The following TMTC2 variants were observed in gnomAD, a reference collection of about 807,000 sequenced individuals.
TMTC2 encodes the protein protein O-mannosyl-transferase TMTC2.
TMTC2 carries 43 observed loss-of-function variants against 82.4 expected under a neutral mutation model. The observed-to-expected ratio is 0.52, with a 90% confidence interval of 0.41 to 0.67. The LOEUF is 0.67. Ranked by LOEUF, TMTC2 falls within the 30% of genes least tolerant of loss-of-function variation. The probability of loss-of-function intolerance (pLI) is 0.00; values close to 1 mark genes in which losing one functional copy is unlikely to be tolerated. For synonymous variants in TMTC2, 408 were observed against 381.9 expected (o/e 1.07, Z -0.80); for missense variants, 919 against 1,012.4 (o/e 0.91, Z 1.25).
At chr12:82,708,478 G>C (rs144334485) in intron 1 of TMTC2, among the ~76,000 whole-genome samples, 1 of 152,204 alleles carries the variant, frequency 6.6e-6, no homozygotes, top group African/African-American at 2.4e-5. Context: ...CTAGCAGTAA[G>C]TGACTAGATG....
At chr12:83,091,491 A>G (rs1883846728) in intron 11 of TMTC2, among the ~76,000 whole-genome samples, 1 of 152,188 alleles carries the variant, frequency 6.6e-6, no homozygotes, top group Non-Finnish European at 1.5e-5. Context: ...ATTATTTTCC[A>G]AAAAGCATAG....
In TMTC2 at chr12:82,804,982, C is replaced by G. The variant is rs115901684; in HGVS notation, c.84-52028C>G. On this transcript the variant is annotated intron_variant, in intron 1 of 11. Coordinates refer to ENST00000321196, the MANE Select transcript of TMTC2 (RefSeq NM_152588.3). ...TTAGTTTTTATAGAAAGGGTACACT[C>G]TCTAGCAGTTTTGCCATGAGAGTAC... Among the ~76,000 whole-genome samples the G allele has an allele frequency of 8.6e-3, 1,303 of 152,250 alleles. 21 individuals are homozygous for G. The highest frequency in any genetic ancestry group is 0.03 in the African/African-American group (1,254 of 41,552).
At chr12:82,917,610 T>G (rs911521710) in intron 3 of TMTC2, among the ~76,000 whole-genome samples, 6 of 151,876 alleles carry the variant, frequency 4.0e-5, no homozygotes, top group African/African-American at 7.3e-5. Flanking sequence ...TTTATTTATT[T>G]ATTTATTTAG....
chr12:82,715,383 T>G (rs1167052030), intron 1 of TMTC2, among the ~76,000 whole-genome samples: 1 of 152,088 alleles, frequency 6.6e-6, no homozygotes, highest in Non-Finnish European at 1.5e-5. Flanking sequence ...TTATATCCCC[T>G]TTTTCTTAGG....
intron 1 of TMTC2, among the ~76,000 whole-genome samples, chr12:82,821,995 A>G (rs1456242109): frequency 2.0e-5 from 3 of 152,204 alleles, no homozygotes; most frequent in African/African-American, 7.2e-5. Context: ...GCTACAAAGA[A>G]ATGAGCTATC....
intron 3 of TMTC2, among the ~76,000 whole-genome samples, chr12:82,910,469 TC>T (rs1044015135): frequency 4.6e-5 from 7 of 152,158 alleles, no homozygotes; most frequent in Non-Finnish European, 1.0e-4. Context: ...TACAGTATGC[TC>T]CTTTAGTTTA....
At chr12:83,089,847 C>CAA (rs200273951) in intron 11 of TMTC2, among the ~76,000 whole-genome samples, 2 of 135,764 alleles carry the variant, frequency 1.5e-5, no homozygotes, top group Admixed American at 7.4e-5. Flanking sequence ...AAACAAAAAA[C>CAA]AAAAAAAAAA....
At chr12:83,092,384 A>G (rs1219190234) in intron 11 of TMTC2, among the ~76,000 whole-genome samples, 1 of 152,178 alleles carries the variant, frequency 6.6e-6, no homozygotes, top group Non-Finnish European at 1.5e-5. Flanking sequence ...AGTGTGTTGG[A>G]AAACAAAAGA....
At chr12:83,083,522 C>T (rs961228270) in intron 11 of TMTC2, among the ~76,000 whole-genome samples, 2 of 152,148 alleles carry the variant, frequency 1.3e-5, no homozygotes, top group African/African-American at 4.8e-5. Flanking sequence ...TTATCTGCCT[C>T]CCCTCTCTAG....
chr12:82,903,252 G>A (rs1391098013), intron 3 of TMTC2, among the ~76,000 whole-genome samples: 2 of 152,076 alleles, frequency 1.3e-5, no homozygotes, highest in Non-Finnish European at 2.9e-5. Flanking sequence ...GTCTTACTGA[G>A]CATTCCCTAT....
intron 9 of TMTC2, among the ~76,000 whole-genome samples, chr12:83,033,842 G>T (rs1592707347): frequency 6.8e-6 from 1 of 147,424 alleles, no homozygotes. Context: ...GTATATATAT[G>T]TATGTGTATA....
intron 3 of TMTC2, among the ~76,000 whole-genome samples, chr12:82,924,102 C>A (rs922300952): frequency 3.3e-5 from 5 of 152,144 alleles, no homozygotes; most frequent in South Asian, 4.1e-4. Context: ...ATAATGAAAT[C>A]CTCTGTCAAT....
rs950198099 is a variant in TMTC2, at chr12:82,780,657, A to C, written c.84-76353A>C. Among the ~76,000 whole-genome samples, 5 of 152,128 alleles carry C rather than the reference A, an allele frequency of 3.3e-5. No homozygotes were observed. In the South Asian group the frequency reaches 1.0e-3, roughly 31 times the overall value. The stretch of plus-strand genomic sequence containing the variant: ...AAAGTCTCTTCATAAGCAACAACAA[A>C]AAAATGTTTGCGTCATGAGAAATTT... On this transcript the variant is annotated intron_variant, in intron 1 of 11. Transcript: ENST00000321196.
chr12:83,123,828 TCTAAGAGAC>T lies in TMTC2; in HGVS notation c.2332-8379_2332-8371del, dbSNP rs545145895. On this transcript the variant is annotated intron_variant, in intron 11 of 11. Coordinates refer to ENST00000321196, the MANE Select transcript of TMTC2 (RefSeq NM_152588.3). ...TCATGTCATATTCTCATTCTGGGAG[TCTAAGAGAC>T]CTGAAGCAACCTAACAATTCTTGTT... 1.4e-4 allele frequency among the ~76,000 whole-genome samples: 21 copies of T among 152,244 alleles called. 1 individual carries two copies. The East Asian group carries it at 1.7e-3, about 13-fold the overall frequency.
chr12:82,769,854 C>T (rs138854295), intron 1 of TMTC2, among the ~76,000 whole-genome samples: 53 of 152,312 alleles, frequency 3.5e-4, no homozygotes, highest in African/African-American at 1.2e-3. Flanking sequence ...CAGTGATCCA[C>T]CTGCCTCGGC....
At chr12:82,971,406 A>T (rs1393984632) in intron 7 of TMTC2, among the ~76,000 whole-genome samples, 3 of 152,204 alleles carry the variant, frequency 2.0e-5, no homozygotes, top group South Asian at 2.1e-4. Context: ...GATACTTAAA[A>T]TTTTTTTAAT....
intron 9 of TMTC2, among the ~76,000 whole-genome samples, chr12:83,047,697 T>C (rs1882194606): frequency 6.6e-6 from 1 of 152,180 alleles, no homozygotes; most frequent in Admixed American, 6.5e-5. Context: ...CATATCGGAA[T>C]TTTTTTCTGT....
chr12:82,720,419 A>G (rs1874152093), intron 1 of TMTC2, among the ~76,000 whole-genome samples: 1 of 152,186 alleles, frequency 6.6e-6, no homozygotes, highest in Admixed American at 6.5e-5. Context: ...AGCCAAATAC[A>G]ATTCCATTGT....
chr12:82,997,176 C>CT (rs1218320154), intron 8 of TMTC2, among the ~76,000 whole-genome samples: 18 of 11,144 alleles, frequency 1.6e-3, no homozygotes, highest in South Asian at 0.028. Context: ...CTCTCTCTCT[C>CT]CCACCCCTCC....
Sources: allele counts gnomAD v4.1 joint callset (sites outside exome capture counted in the v4.1 genomes callset), GRCh38; gene constraint gnomAD v4.1.1; transcripts MANE v1.5; gene names NCBI Gene and HGNC (gene_info 2026-07-23, HGNC 2026-07-21).